Variants in DTHD1 observed in about 807,000 individuals in gnomAD.
DTHD1 encodes death domain containing 1.
DTHD1 carries 59 observed loss-of-function variants against 74.8 expected under a neutral mutation model. That is an observed-to-expected ratio of 0.79 (90% CI 0.64 to 0.98). The LOEUF (loss-of-function observed/expected upper bound fraction) is 0.98. Among genes scored for constraint, DTHD1 ranks in the 50% least tolerant of loss-of-function variants. DTHD1 has a pLI of 0.00. For missense variants in DTHD1, 1,051 were observed against 1,065.4 expected (o/e 0.99, Z 0.19); for synonymous variants, 365 against 371.1 (o/e 0.98, Z 0.19).
chr4:36,320,121 T>A (rs564709645), intron 8 of DTHD1, among the ~76,000 whole-genome samples: 3 of 152,292 alleles, frequency 2.0e-5, no homozygotes, highest in East Asian at 3.9e-4. Flanking sequence ...TCTGAAATAT[T>A]TTTTTTTCTA....
At position 36,295,006 on chromosome 4, in the gene DTHD1, C is replaced by G. The variant is rs1419583501; in HGVS notation, c.1610C>G (p.Thr537Arg). ...GATCATAAAAGAAGAGCAAGTGCCA[C>G]AATAAATAGGATTACACCTTCGTAT... ...EIDHKRRASA[T>R]INRITPSYFN... The change falls in exon 5 of 10, where the codon ACA becomes AGA. Residue 537 changes from threonine (T) to arginine (R), a missense_variant. Physicochemically the swap from Thr to Arg is moderately conservative, Grantham distance 71. Transcript: ENST00000639862. 1.3e-6 allele frequency: 2 copies of G among 1,550,114 alleles called. No individual in the cohort carries two copies. Among genetic ancestry groups the G allele is most frequent in the Non-Finnish European group, 1.7e-6 (2 of 1,145,776 alleles).
rs188148380 is a variant in DTHD1, at chr4:36,299,878, G to C, written c.1643+4839G>C. Among the ~76,000 whole-genome samples the C allele has an allele frequency of 3.3e-5, 5 of 152,168 alleles. No homozygotes were observed. The East Asian group carries it at 9.7e-4, about 29-fold the overall frequency. On this transcript the variant is annotated intron_variant, in intron 5 of 9. Transcript: ENST00000639862. ...GTTATATTTTCCCAGCTACTGGGGAGGCTGAGGTGGGAGCCCAGGAGATTG... is the reference window on the plus strand; with the variant it reads ...GTTATATTTTCCCAGCTACTGGGGACGCTGAGGTGGGAGCCCAGGAGATTG...
intron 8 of DTHD1, among the ~76,000 whole-genome samples, chr4:36,322,087 C>T (rs910085110): frequency 6.6e-6 from 1 of 152,184 alleles, no homozygotes. Context: ...TACCCTGCAA[C>T]CTGACATTCC....
intron 8 of DTHD1, among the ~76,000 whole-genome samples, chr4:36,323,278 G>A (rs1220625667): frequency 6.6e-6 from 1 of 152,122 alleles, no homozygotes; most frequent in Admixed American, 6.5e-5. Context: ...TGTGTCAAAG[G>A]GAGGAAGCAG....
In DTHD1 at chr4:36,281,757, A is replaced by C. The variant is rs970379494; in HGVS notation, c.-2A>C. 7.3e-6 allele frequency: 9 copies of C among 1,235,796 alleles called. No homozygotes were observed. Among genetic ancestry groups the C allele is most frequent in the African/African-American group, 1.5e-5 (1 of 64,534 alleles). 76.6% of individuals were successfully genotyped at this position (1,235,796 alleles called of 1,614,324 possible). The stretch of plus-strand genomic sequence containing the variant: ...GAGAAAATACCACTTTTGGATCATA[A>C]AATGGATATGGAATACATGGGCTCA... On this transcript the variant is annotated 5_prime_UTR_variant, in exon 1 of 10. Coordinates refer to ENST00000639862, the MANE Select transcript of DTHD1 (RefSeq NM_001170700.3).
intron 8 of DTHD1, among the ~76,000 whole-genome samples, chr4:36,334,141 G>A (rs1294999961): frequency 6.6e-6 from 1 of 152,070 alleles, no homozygotes; most frequent in African/African-American, 2.4e-5. Context: ...ATTTATAGGG[G>A]TGCTAGTTGA....
At chr4:36,316,155 T>C in intron 7 of DTHD1, 87 bp from the exon 8 acceptor site, 1 of 1,264,936 alleles carries the variant, frequency 7.9e-7, no homozygotes, top group South Asian at 1.5e-5. Context: ...CAGGATGGTC[T>C]CGATCTCCTG....
intron 3 of DTHD1, among the ~76,000 whole-genome samples, chr4:36,292,619 A>G (rs572700860): frequency 6.6e-6 from 1 of 152,272 alleles, no homozygotes. Flanking sequence ...CATGCCCTGA[A>G]TTTTCCCAGA....
intron 8 of DTHD1, among the ~76,000 whole-genome samples, chr4:36,320,863 C>T (rs867880598): frequency 6.6e-6 from 1 of 152,254 alleles, no homozygotes; most frequent in South Asian, 2.1e-4. Context: ...GATATTTATA[C>T]ATGTAGCATA....
At chr4:36,329,668 G>C (rs1320469316) in intron 8 of DTHD1, among the ~76,000 whole-genome samples, 4 of 152,152 alleles carry the variant, frequency 2.6e-5, no homozygotes, top group African/African-American at 9.7e-5. Flanking sequence ...GGAATTGCAG[G>C]TGCTGTTTTA....
chr4:36,335,011 T>C (rs1334106114), intron 8 of DTHD1, among the ~76,000 whole-genome samples: 1 of 152,136 alleles, frequency 6.6e-6, no homozygotes, highest in Non-Finnish European at 1.5e-5. Context: ...GAATGTCTAA[T>C]TGGGGAGGGA....
chr4:36,289,195 A>C (rs1755906002), intron 2 of DTHD1, among the ~76,000 whole-genome samples: 1 of 152,192 alleles, frequency 6.6e-6, no homozygotes, highest in South Asian at 2.1e-4. Context: ...CCAGTATTTC[A>C]ATCATTTCAC....
intron 3 of DTHD1, 97 bp from the exon 4 acceptor site, chr4:36,293,429 G>C (rs989870356): frequency 2.0e-6 from 2 of 975,842 alleles, no homozygotes; most frequent in Non-Finnish European, 2.7e-6. Flanking sequence ...ATTAAATAAA[G>C]AGTGTATAGA....
intron 8 of DTHD1, among the ~76,000 whole-genome samples, chr4:36,322,691 A>G (rs1177671919): frequency 6.6e-6 from 1 of 152,200 alleles, no homozygotes; most frequent in African/African-American, 2.4e-5. Flanking sequence ...CATATTCTAT[A>G]TAATCTTCTG....
Position 36,281,768 on chromosome 4 carries a change from G to A in DTHD1, c.10G>A (p.Glu4Lys), listed in dbSNP as rs147471410. MDMEYMGSGKLGQI... is the reference protein window; with the variant it reads MDMKYMGSGKLGQI... ...ACTTTTGGATCATAAAATGGATATG[G>A]AATACATGGGCTCAGGTAAACTGGG... The change falls in exon 1 of 10, where the codon GAA (glutamate) becomes AAA (lysine). Residue 4 changes from glutamate to lysine, a missense_variant. Glu to Lys is a moderately conservative substitution (Grantham distance 56, BLOSUM62 1). Coordinates refer to ENST00000639862, the MANE Select transcript of DTHD1 (RefSeq NM_001170700.3). 10,131 of 1,237,454 alleles carry A rather than the reference G, an allele frequency of 8.2e-3. 59 individuals carry two copies. Among genetic ancestry groups the A allele is most frequent in the Middle Eastern group, 0.012 (57 of 4,850 alleles). 76.7% of individuals were successfully genotyped at this position (1,237,454 alleles called of 1,614,324 possible). A position where few individuals can be genotyped will look rare whatever the true frequency, so the allele number is the denominator to read the frequency against.
At chr4:36,291,187 A>G (rs1756056722) in intron 3 of DTHD1, among the ~76,000 whole-genome samples, 1 of 152,244 alleles carries the variant, frequency 6.6e-6, no homozygotes, top group Admixed American at 6.5e-5. Context: ...TTTAGTCTAC[A>G]CATGGGAGAA....
intron 8 of DTHD1, among the ~76,000 whole-genome samples, chr4:36,319,951 G>A (rs1478644377): frequency 6.6e-6 from 1 of 152,154 alleles, no homozygotes; most frequent in Non-Finnish European, 1.5e-5. Flanking sequence ...TGCCAAGGAA[G>A]CCTTCCCTCA....
chr4:36,301,182 G>A (rs1189466118), intron 5 of DTHD1, among the ~76,000 whole-genome samples: 1 of 152,168 alleles, frequency 6.6e-6, no homozygotes, highest in Non-Finnish European at 1.5e-5. Context: ...TTGAGAAAAT[G>A]CAGGCTGGAA....
At position 36,316,178 on chromosome 4, in the gene DTHD1, G is replaced by A. The variant is rs969064966; in HGVS notation, c.2096-64G>A. 62 of 1,478,042 alleles carry A rather than the reference G, an allele frequency of 4.2e-5. No homozygotes were observed. In the Middle Eastern group the frequency reaches 8.7e-4, roughly 21 times the overall value. 91.6% of individuals were successfully genotyped at this position (1,478,042 alleles called of 1,614,324 possible). A position where few individuals can be genotyped will look rare whatever the true frequency, so the allele number is the denominator to read the frequency against. On this transcript the variant is annotated intron_variant, in intron 7 of 9. Coordinates refer to ENST00000639862, the MANE Select transcript of DTHD1 (RefSeq NM_001170700.3). ...TCTCGATCTCCTGACCTCGTGATCC[G>A]CCTGCCTCGGCCTCCCAAAGTGAGA...
Sources: allele counts gnomAD v4.1 joint callset (sites outside exome capture counted in the v4.1 genomes callset), GRCh38; gene constraint gnomAD v4.1.1; transcripts MANE v1.5; gene names NCBI Gene and HGNC (gene_info 2026-07-23, HGNC 2026-07-21).